The following ADCY6 variants were observed in gnomAD, a reference collection of about 807,000 sequenced individuals.
The protein encoded by ADCY6 is adenylate cyclase type 6.
A neutral mutation model predicts 111.6 loss-of-function variants in ADCY6; 59 were observed. That is an observed-to-expected ratio of 0.53 (90% confidence interval 0.43 to 0.66). The LOEUF (loss-of-function observed/expected upper bound fraction) is 0.66. ADCY6 is among the 30% of genes least tolerant of loss of function. ADCY6 has a pLI of 0.00. For missense variants in ADCY6, 1,242 were observed against 1,595.6 expected (o/e 0.78, Z 3.78); for synonymous variants, 576 against 642.9 (o/e 0.90, Z 1.57).
chr12:48,787,145 G>A (rs1941992133), intron 1 of ADCY6, among the ~76,000 whole-genome samples: 1 of 152,176 alleles, frequency 6.6e-6, no homozygotes, highest in Non-Finnish European at 1.5e-5. Flanking sequence ...GCTGGAGACA[G>A]AGCCCAGAGT....
At position 48,782,915 on chromosome 12, in the gene ADCY6, C is replaced by T; in HGVS notation, c.520G>A (p.Ala174Thr). 1.2e-6 allele frequency: 2 copies of T among 1,613,454 alleles called. No individual in the cohort carries two copies. Among genetic ancestry groups the T allele is most frequent in the Non-Finnish European group, 8.5e-7 (1 of 1,179,900 alleles). The change falls in exon 2 of 22, where the codon GCC (alanine) becomes ACC (threonine). Residue 174 changes from alanine to threonine, a missense_variant. Physicochemically the swap from Ala to Thr is moderately conservative, Grantham distance 58. Transcript: ENST00000357869. The surrounding 1 kb of genome is among the most constrained non-coding windows in gnomAD (Gnocchi z 4.3). ...AVLLAFHAAP[A>T]RPQPAYVALL... ...GCCACATAGGCAGGCTGAGGGCGGG[C>T]GGGTGCGGCGTGGAAAGCCAGCAGC...
At position 48,768,278 on chromosome 12, in the gene ADCY6, T is replaced by G. The variant is rs1592151984; in HGVS notation, c.*313A>C. 4.6e-6 allele frequency: 2 copies of G among 433,286 alleles called. No homozygotes were observed. Among genetic ancestry groups the G allele is most frequent in the East Asian group, 4.7e-5 (1 of 21,310 alleles). The allele number at this position is 433,286 out of a possible 1,614,324, so 26.8% of individuals were successfully genotyped here. On this transcript the variant is annotated 3_prime_UTR_variant, in exon 22 of 22. Transcript: ENST00000357869. Reference sequence around the variant, plus strand: ...CATGGCAAGCTGCCATTTTAATCCCTCAGGCAAGAGGCCTCCCTCTGCTTC... The same window carrying G: ...CATGGCAAGCTGCCATTTTAATCCCGCAGGCAAGAGGCCTCCCTCTGCTTC...
At chr12:48,781,563 C>G (rs1941846481) in intron 2 of ADCY6, among the ~76,000 whole-genome samples, 1 of 152,178 alleles carries the variant, frequency 6.6e-6, no homozygotes, top group African/African-American at 2.4e-5. Context: ...CACTGGGTAC[C>G]ATGCCTTCCA....
At chr12:48,775,620 C>G in intron 10 of ADCY6, 53 bp downstream of exon 10, 2 of 1,597,846 alleles carry the variant, frequency 1.3e-6, no homozygotes, top group South Asian at 1.1e-5. Context: ...CGGCTCCCCC[C>G]AGCCCCATCC....
In ADCY6 at chr12:48,782,924, C is replaced by A. The variant is rs745781349; in HGVS notation, c.511G>T (p.Ala171Ser). The A allele has an allele frequency of 6.2e-7, 1 of 1,613,326 alleles. No individual in the cohort carries two copies. Among genetic ancestry groups the A allele is most frequent in the Admixed American group, 1.7e-5 (1 of 59,992 alleles). The change falls in exon 2 of 22, where the codon GCC becomes TCC. Residue 171 changes from alanine to serine, a missense_variant. By Grantham distance (99) the Ala-to-Ser change is moderately conservative. This residue lies in a region of ADCY6 where 362 missense variants were observed against 377.2 expected (regional missense o/e 0.96). Transcript: ENST00000357869. This position sits in a 1 kb window ranked among gnomAD's most constrained non-coding sequence, Gnocchi z 4.3. ...GCAGGCTGAGGGCGGGCGGGTGCGG[C>A]GTGGAAAGCCAGCAGCACCGCTGTG... is the stretch of plus-strand genomic sequence containing the variant. The part of the protein sequence containing the change: ...LLTAVLLAFH[A>S]APARPQPAYV...
chr12:48,787,947 C>A (rs538175633), intron 1 of ADCY6, among the ~76,000 whole-genome samples: 191 of 152,262 alleles, frequency 1.3e-3, no homozygotes, highest in African/African-American at 4.5e-3. Flanking sequence ...GCCTTCCTGG[C>A]CACCTCCTGT....
In ADCY6 at chr12:48,768,948, C is replaced by T. The variant is rs982648255; in HGVS notation, c.3370G>A (p.Asp1124Asn). Reference protein sequence around the residue: ...SSRMDSTGVPDRIQVTTDLYQ... With the variant: ...SSRMDSTGVPNRIQVTTDLYQ... ...CATATCCCCCTCACCTGGATTCGGT[C>T]GGGGACCCCCGTGCTGTCCATACGA... is the stretch of plus-strand genomic sequence containing the variant. The change falls in exon 21 of 22, where the codon GAC becomes AAC. Residue 1124 changes from aspartate to asparagine, a missense_variant. Coordinates refer to ENST00000357869, the MANE Select transcript of ADCY6 (RefSeq NM_015270.5). The T allele has an allele frequency of 3.1e-6, 5 of 1,611,774 alleles. No homozygotes were observed. The highest frequency in any genetic ancestry group is 1.1e-5 in the South Asian group (1 of 90,596).
intron 20 of ADCY6, among the ~76,000 whole-genome samples, chr12:48,770,107 T>C (rs921553892): frequency 1.8e-4 from 26 of 147,616 alleles, no homozygotes; most frequent in Non-Finnish European, 3.0e-4. Context: ...GGTTTCACTA[T>C]GTTGGTCAGG....
intron 12 of ADCY6, 79 bp from the exon 13 acceptor site, chr12:48,774,857 G>A (rs1941651787): frequency 1.3e-6 from 2 of 1,533,934 alleles, no homozygotes; most frequent in Non-Finnish European, 1.8e-6. Context: ...GGAACAAGCA[G>A]GGATGCAGGC....
Position 48,777,603 on chromosome 12 carries a change from C to A in ADCY6, c.1136+12G>T. On this transcript the variant is annotated intron_variant, in intron 4 of 21. Coordinates refer to ENST00000357869, the MANE Select transcript of ADCY6 (RefSeq NM_015270.5). The surrounding 1 kb of genome is among the most constrained non-coding windows in gnomAD (Gnocchi z 4.9). ...CCCCGCCCTGCTGGGCATCCTCCTA[C>A]CCTCACCCTACCTGACATTGTCATG... The A allele has an allele frequency of 1.2e-6, 2 of 1,613,222 alleles. No individual in the cohort carries two copies. The highest frequency in any genetic ancestry group is 1.7e-6 in the Non-Finnish European group (2 of 1,180,008).
rs1405797350 is a variant in ADCY6, at chr12:48,766,232, TTAAA to T, written c.*2355_*2358del. 1 of 152,704 alleles carries T rather than the reference TTAAA, an allele frequency of 6.5e-6. No individual in the cohort carries two copies. The highest frequency in any genetic ancestry group is 1.5e-5 in the Non-Finnish European group (1 of 68,116). 9.5% of individuals were successfully genotyped at this position (152,704 alleles called of 1,614,324 possible). ...TTGATTTTATTGATATTTAAATATATTAAATATTTCACTGAAATACATGGTTCAC... is the reference window on the plus strand; with the variant it reads ...TTGATTTTATTGATATTTAAATATATTATTTCACTGAAATACATGGTTCAC... On this transcript the variant is annotated 3_prime_UTR_variant, in exon 22 of 22. Coordinates refer to ENST00000357869, the MANE Select transcript of ADCY6 (RefSeq NM_015270.5).
At chr12:48,781,960 C>T (rs1941855550) in intron 2 of ADCY6, among the ~76,000 whole-genome samples, 1 of 152,178 alleles carries the variant, frequency 6.6e-6, no homozygotes, top group Non-Finnish European at 1.5e-5. Flanking sequence ...AGTCCAACCC[C>T]ATTCAAACCA....
rs754884440 is a variant in ADCY6 at position 48,777,067 on chromosome 12, G to C, written c.1376+37C>G. ...AAAGTAGGAGCAGTCTGGGGCACCCGCAATTCCAGGAAGCCTAGGAATGGG... is the reference window on the plus strand; with the variant it reads ...AAAGTAGGAGCAGTCTGGGGCACCCCCAATTCCAGGAAGCCTAGGAATGGG... On this transcript the variant is annotated intron_variant, in intron 6 of 21. Transcript: ENST00000357869. The surrounding 1 kb of genome is among the most constrained non-coding windows in gnomAD (Gnocchi z 4.9). 4 of 1,547,752 alleles carry C rather than the reference G, an allele frequency of 2.6e-6. No homozygotes were observed. The highest frequency in any genetic ancestry group is 3.5e-6 in the Non-Finnish European group (4 of 1,145,952).
rs1389811407 is a variant in ADCY6 at position 48,767,062 on chromosome 12, T to C, written c.*1529A>G. ...AGGCTGAAGGCTGGGGAAAGCCAAGTTTAAGGTTCCTCTTCCCCACCCCGT... is the reference window on the plus strand; with the variant it reads ...AGGCTGAAGGCTGGGGAAAGCCAAGCTTAAGGTTCCTCTTCCCCACCCCGT... On this transcript the variant is annotated 3_prime_UTR_variant, in exon 22 of 22. Coordinates refer to ENST00000357869, the MANE Select transcript of ADCY6 (RefSeq NM_015270.5). The C allele has an allele frequency of 6.6e-6, 1 of 152,410 alleles. No homozygotes were observed. Among genetic ancestry groups the C allele is most frequent in the Non-Finnish European group, 1.5e-5 (1 of 68,038 alleles). 9.4% of individuals were successfully genotyped at this position (152,410 alleles called of 1,614,324 possible). A position where few individuals can be genotyped will look rare whatever the true frequency, so the allele number is the denominator to read the frequency against.
chr12:48,783,970 C>T (rs1395740268), intron 1 of ADCY6: 2 of 157,456 alleles, frequency 1.3e-5, no homozygotes, highest in African/African-American at 2.4e-5. Flanking sequence ...GTAATCCCAG[C>T]TACTCAGGAG....
At chr12:48,788,539 C>T (rs1049507813) in intron 1 of ADCY6, among the ~76,000 whole-genome samples, 1 of 152,068 alleles carries the variant, frequency 6.6e-6, no homozygotes, top group Non-Finnish European at 1.5e-5. Flanking sequence ...TTCCTCTCCC[C>T]TAAATGGAAT....
At position 48,778,121 on chromosome 12, in the gene ADCY6, T is replaced by G. The variant is rs1319497908; in HGVS notation, c.1001A>C (p.Glu334Ala). ...GAGCAGCCCCACCTGCTGCCGATTCTCATGCTGCAGGTGGAGCCGGGCCTG... is the reference window on the plus strand; with the variant it reads ...GAGCAGCCCCACCTGCTGCCGATTCGCATGCTGCAGGTGGAGCCGGGCCTG... ...YIQARLHLQH[E>A]NRQQERLLLS... The change falls in exon 3 of 22, where the codon GAG becomes GCG. Residue 334 changes from glutamate (E) to alanine (A), a missense_variant. Glu to Ala is a moderately radical substitution (Grantham distance 107). Around this residue, in one of 4 missense-constraint regions of ADCY6, gnomAD observed 260 missense variants for 414.6 expected, o/e 0.63. Coordinates refer to ENST00000357869, the MANE Select transcript of ADCY6 (RefSeq NM_015270.5). 7.4e-6 allele frequency: 12 copies of G among 1,611,406 alleles called. No homozygotes were observed. The African/African-American group carries it at 1.2e-4, about 16-fold the overall frequency.
In ADCY6 at chr12:48,783,132, G is replaced by T. The variant is rs776043330; in HGVS notation, c.303C>A (p.Gly101=). 6.2e-6 allele frequency: 10 copies of T among 1,608,270 alleles called. No homozygotes were observed. In the East Asian group the frequency reaches 2.2e-4, roughly 36 times the overall value. Residue 101 remains glycine, a synonymous_variant, in exon 2 of 22, where the codon GGC becomes GGA. Transcript: ENST00000357869. ...FEDTEVTTTA[G]GTAEVAPDAV... is the part of the protein sequence containing the mutation. Reference sequence around the variant, plus strand: ...CGTCGGGCGCCACCTCAGCCGTCCCGCCCGCTGTCGTTGTCACCTCGGTAT... The same window carrying T: ...CGTCGGGCGCCACCTCAGCCGTCCCTCCCGCTGTCGTTGTCACCTCGGTAT...
intron 20 of ADCY6, 37 bp downstream of exon 20, chr12:48,770,729 T>C: frequency 6.3e-7 from 1 of 1,598,050 alleles, no homozygotes; most frequent in Non-Finnish European, 8.6e-7. Context: ...CTGGAAAAAG[T>C]CCTGGGAAAA....
Sources: gnomAD v4.1 joint callset for allele counts (sites outside exome capture counted in the v4.1 genomes callset) on GRCh38, gnomAD v4.1.1 for gene constraint, gnomAD v4.1.1 regional missense constraint, Gnocchi (gnomAD v3.1) non-coding constraint, MANE v1.5 for transcripts, NCBI Gene and HGNC (gene_info 2026-07-23, HGNC 2026-07-21) for gene names.